FGGY: variants seen among roughly 807,000 people sequenced by gnomAD.
FGGY encodes the protein FGGY carbohydrate kinase domain-containing protein.
A neutral mutation model predicts 71.3 loss-of-function variants in FGGY; 72 were observed. The observed-to-expected ratio is 1.01, with a 90% CI of 0.84 to 1.23. The LOEUF (loss-of-function observed/expected upper bound fraction) is 1.23. Ranked by LOEUF, FGGY falls within the 50% of genes most tolerant of loss-of-function variation. The probability of loss-of-function intolerance (pLI) is 0.00; values close to 1 mark genes in which losing one functional copy is unlikely to be tolerated. For synonymous variants in FGGY, 251 were observed against 250.3 expected (o/e 1.00, Z -0.02); for missense variants, 668 against 682.3 (o/e 0.98, Z 0.23).
At chr1:59,600,370 T>C (rs1271802879) in intron 8 of FGGY, among the ~76,000 whole-genome samples, 1 of 152,178 alleles carries the variant, frequency 6.6e-6, no homozygotes, top group Non-Finnish European at 1.5e-5. Flanking sequence ...ACATGTCGAT[T>C]AGCCATCCAG....
At chr1:59,416,606 A>T (rs1443258500) in intron 5 of FGGY, among the ~76,000 whole-genome samples, 2 of 152,184 alleles carry the variant, frequency 1.3e-5, no homozygotes, top group African/African-American at 2.4e-5. Flanking sequence ...TGACCATGTC[A>T]CCTTCAGCAT....
intron 11 of FGGY, among the ~76,000 whole-genome samples, chr1:59,643,990 A>T (rs12082002): frequency 0.03 from 4,514 of 152,284 alleles, 233 homozygotes; most frequent in African/African-American, 0.1. Flanking sequence ...GAGTTTAAAC[A>T]TGCATTATAC....
chr1:59,372,072 AGGC>A (rs2057751246), intron 4 of FGGY, among the ~76,000 whole-genome samples: 1 of 152,366 alleles, frequency 6.6e-6, no homozygotes, highest in East Asian at 1.9e-4. Context: ...GCAGAACTGA[AGGC>A]GATAAATCGA....
At chr1:59,724,574 C>G (rs1048321520) in intron 14 of FGGY, among the ~76,000 whole-genome samples, 1 of 151,910 alleles carries the variant, frequency 6.6e-6, no homozygotes, top group Admixed American at 6.6e-5. Context: ...TTTTTATTGC[C>G]TCTATAGTTC....
chr1:59,394,095 T>C (rs1044362546), intron 5 of FGGY, among the ~76,000 whole-genome samples: 3 of 152,168 alleles, frequency 2.0e-5, no homozygotes, highest in Non-Finnish European at 4.4e-5. Context: ...TTGTTTTGCC[T>C]TGGAAGGGCC....
intron 4 of FGGY, among the ~76,000 whole-genome samples, chr1:59,367,835 A>G (rs2056838500): frequency 6.6e-6 from 1 of 152,152 alleles, no homozygotes; most frequent in Non-Finnish European, 1.5e-5. Flanking sequence ...GCTTAGACCC[A>G]CAGCTGTGTG....
At chr1:59,305,042 C>A (rs1240692962) in intron 1 of FGGY, among the ~76,000 whole-genome samples, 1 of 152,054 alleles carries the variant, frequency 6.6e-6, no homozygotes, top group South Asian at 2.1e-4. Context: ...AATCTGGATG[C>A]CTTTCATTTA....
chr1:59,339,872 G>C, intron 2 of FGGY, 86 bp from the exon 3 acceptor site: 3 of 740,480 alleles, frequency 4.1e-6, no homozygotes, highest in Non-Finnish European at 6.7e-6. Flanking sequence ...TTTCTATTCT[G>C]TCATTCCTTC....
At chr1:59,698,950 C>A in intron 14 of FGGY, 9 of 985,080 alleles carry the variant, frequency 9.1e-6, no homozygotes, top group Non-Finnish European at 1.1e-5. Context: ...TTTAATACAT[C>A]CCCATTAATC....
intron 8 of FGGY, among the ~76,000 whole-genome samples, chr1:59,568,241 T>C (rs11583338): frequency 0.099 from 15,086 of 152,156 alleles, 898 homozygotes; most frequent in South Asian, 0.28. Flanking sequence ...ACTTTTGGTA[T>C]TTGAAATGCT....
At chr1:59,713,142 A>G (rs2097811290) in intron 14 of FGGY, among the ~76,000 whole-genome samples, 1 of 152,194 alleles carries the variant, frequency 6.6e-6, no homozygotes. Context: ...TCTCTTTGCT[A>G]AAACATAACA....
At chr1:59,379,114 G>A (rs2153334802) in intron 5 of FGGY, among the ~76,000 whole-genome samples, 1 of 149,368 alleles carries the variant, frequency 6.7e-6, no homozygotes, top group South Asian at 2.1e-4. Flanking sequence ...AGTGAAATGT[G>A]GATTTTTCCA....
chr1:59,548,787 C>G (rs1253374057), intron 7 of FGGY, among the ~76,000 whole-genome samples: 2 of 152,114 alleles, frequency 1.3e-5, no homozygotes, highest in Non-Finnish European at 2.9e-5. Context: ...TCAGACAGTG[C>G]AAATATAGAA....
At chr1:59,402,341 C>T (rs1032836957) in intron 5 of FGGY, among the ~76,000 whole-genome samples, 10 of 152,156 alleles carry the variant, frequency 6.6e-5, no homozygotes, top group African/African-American at 2.4e-4. Context: ...GCTTGCCTTT[C>T]CCTAATGCAT....
chr1:59,445,431 T>C (rs1359819474), intron 5 of FGGY, among the ~76,000 whole-genome samples: 1 of 152,236 alleles, frequency 6.6e-6, no homozygotes, highest in Non-Finnish European at 1.5e-5. Flanking sequence ...TCTGAATGCC[T>C]TCAGTATGGT....
intron 7 of FGGY, among the ~76,000 whole-genome samples, chr1:59,550,372 C>T (rs1179940659): frequency 1.3e-5 from 2 of 151,998 alleles, no homozygotes; most frequent in East Asian, 1.9e-4. Context: ...CCCATCAAAG[C>T]ACTGTGTGGC....
At chr1:59,536,826 A>C (rs905801147) in intron 7 of FGGY, among the ~76,000 whole-genome samples, 2 of 152,210 alleles carry the variant, frequency 1.3e-5, no homozygotes, top group Non-Finnish European at 2.9e-5. Context: ...TCAATAAATT[A>C]GATATTGATG....
intron 14 of FGGY, among the ~76,000 whole-genome samples, chr1:59,733,460 TG>T (rs777344770): frequency 8.6e-5 from 8 of 92,768 alleles, no homozygotes; most frequent in East Asian, 3.0e-4. Flanking sequence ...TGTTTTGTTT[TG>T]TTTTTTTGTT....
At chr1:59,440,748 G>A (rs921923935) in intron 5 of FGGY, among the ~76,000 whole-genome samples, 3 of 150,608 alleles carry the variant, frequency 2.0e-5, no homozygotes, top group East Asian at 1.9e-4. Flanking sequence ...TTAAGGCACA[G>A]TGGAGGGGCG....
Sources: allele counts gnomAD v4.1 joint callset (sites outside exome capture counted in the v4.1 genomes callset), GRCh38; gene constraint gnomAD v4.1.1; transcripts MANE v1.5; gene names NCBI Gene and HGNC (gene_info 2026-07-23, HGNC 2026-07-21).